MAP4K2: variants seen among roughly 807,000 people sequenced by gnomAD.
MAP4K2 encodes the protein B lymphocyte serine/threonine protein kinase.
MAP4K2 carries 85 observed loss-of-function variants against 125.3 expected under a neutral mutation model. The ratio of observed to expected loss-of-function variants is 0.68; its 90% CI spans 0.57 to 0.81. The LOEUF is 0.81. MAP4K2 is among the 40% of genes least tolerant of loss of function. The pLI, the probability that MAP4K2 is intolerant of heterozygous loss-of-function variation, is 0.00. For synonymous variants in MAP4K2, 479 were observed against 445.1 expected (o/e 1.08, Z -0.96); for missense variants, 923 against 1,056.4 (o/e 0.87, Z 1.75).
At chr11:64,791,610 CCT>C (rs1056079232) in intron 27 of MAP4K2, among the ~76,000 whole-genome samples, 1 of 152,182 alleles carries the variant, frequency 6.6e-6, no homozygotes, top group South Asian at 2.1e-4. Context: ...AGCTCAAGCC[CCT>C]CTCTCTCCTT....
At position 64,785,903 on chromosome 11, in the gene MAP4K2, CATA is replaced by C. The variant is rs1940189899; in HGVS notation, c.*3631_*3633del. ...CCATGCCCAAACTAAAATTTTATGA[CATA>C]ATATTTGATACATACAAAAGGATGT... On this transcript the variant is annotated 3_prime_UTR_variant, in exon 32 of 32. Coordinates refer to ENST00000294066, the MANE Select transcript of MAP4K2 (RefSeq NM_004579.5). 1 of 152,076 alleles carries C rather than the reference CATA, an allele frequency of 6.6e-6. No homozygotes were observed. Among genetic ancestry groups the C allele is most frequent in the African/African-American group, 2.4e-5 (1 of 41,396 alleles). 9.4% of individuals were successfully genotyped at this position (152,076 alleles called of 1,614,324 possible).
intron 27 of MAP4K2, among the ~76,000 whole-genome samples, chr11:64,791,218 G>A (rs891596671): frequency 2.0e-5 from 3 of 152,062 alleles, no homozygotes; most frequent in Non-Finnish European, 2.9e-5. Flanking sequence ...CCTTAACTAC[G>A]TGCGCCCTCC....
At chr11:64,790,080 G>C (rs1370470005) in intron 29 of MAP4K2, 108 bp downstream of exon 29, 1 of 1,528,228 alleles carries the variant, frequency 6.5e-7, no homozygotes, top group African/African-American at 1.4e-5. Flanking sequence ...TGGCTCAGGA[G>C]AGGGGCTAGG....
chr11:64,790,051 T>A, intron 29 of MAP4K2, 92 bp from the exon 30 acceptor site: 1 of 1,537,388 alleles, frequency 6.5e-7, no homozygotes, highest in Non-Finnish European at 8.9e-7. Context: ...GGGTCCTCAC[T>A]GACCTCAGGT....
At position 64,798,841 on chromosome 11, in the gene MAP4K2, G is replaced by C; in HGVS notation, c.1054-4C>G. ...GTAGTGTCCACTCTTCCTCCCACTG[G>C]GGGAAACCAAGGTAGAGACCGGGGA... On this transcript the variant is annotated splice_polypyrimidine_tract_variant and splice_region_variant and intron_variant, in intron 14 of 31. Coordinates refer to ENST00000294066, the MANE Select transcript of MAP4K2 (RefSeq NM_004579.5). 1 of 1,599,662 alleles carries C rather than the reference G, an allele frequency of 6.3e-7. No individual in the cohort carries two copies. Among genetic ancestry groups the C allele is most frequent in the East Asian group, 2.3e-5 (1 of 43,844 alleles).
At position 64,787,790 on chromosome 11, in the gene MAP4K2, G is replaced by C. The variant is rs537461805; in HGVS notation, c.*1747C>G. 1.1e-4 allele frequency: 16 copies of C among 152,236 alleles called. No individual in the cohort carries two copies. The highest frequency in any genetic ancestry group is 3.9e-4 in the African/African-American group (16 of 41,442). 9.4% of individuals were successfully genotyped at this position (152,236 alleles called of 1,614,324 possible). A position where few individuals can be genotyped will look rare whatever the true frequency, so the allele number is the denominator to read the frequency against. Reference sequence around the variant, plus strand: ...GTCTGCTGCTGGCCGGTTGGTGAACGGAAAGCCAGTCCTCCCCAGGGCGCC... The same window carrying C: ...GTCTGCTGCTGGCCGGTTGGTGAACCGAAAGCCAGTCCTCCCCAGGGCGCC... On this transcript the variant is annotated 3_prime_UTR_variant, in exon 32 of 32. Transcript: ENST00000294066.
rs752251893 is a variant in MAP4K2 at position 64,797,521 on chromosome 11, G to A, written c.1150C>T (p.Arg384Trp). 8 of 1,568,962 alleles carry A rather than the reference G, an allele frequency of 5.1e-6. No individual in the cohort carries two copies. Among genetic ancestry groups the A allele is most frequent in the South Asian group, 1.2e-5 (1 of 85,422 alleles). Residue 384 changes from arginine to tryptophan, a missense_variant, in exon 17 of 32, where the codon CGG (arginine) becomes TGG (tryptophan). Physicochemically the swap from Arg to Trp is moderately radical, Grantham distance 101 (BLOSUM62 -3). This residue lies in a region of MAP4K2 where 833 missense variants were observed against 911.4 expected (regional missense o/e 0.91). Transcript: ENST00000294066. Reference protein sequence around the residue: ...EALEERSLTIRSASEFQELDS... With the variant: ...EALEERSLTIWSASEFQELDS... ...GGCACCTGGAATTCTGAGGCTGACCGAATAGTCAGACTCCTGTGGGAGGGA... is the reference window on the plus strand; with the variant it reads ...GGCACCTGGAATTCTGAGGCTGACCAAATAGTCAGACTCCTGTGGGAGGGA...
Position 64,797,135 on chromosome 11 carries a change from C to T in MAP4K2, c.1334G>A (p.Trp445Ter). Residue 445 changes from tryptophan to a stop codon, truncating the protein, a stop_gained, in exon 19 of 32, where the codon TGG (tryptophan) becomes TAG (stop). Transcript: ENST00000294066. LOFTEE classifies it high-confidence loss of function. ...PNSSPLLPTA[W>*]ATMKQREDPE... is the part of the protein sequence containing the mutation. ...ATCCTCCCGCTGCTTCATGGTGGCCCAGGCCGTGGGCAGCAGTGGGGAGCT... is the reference window on the plus strand; with the variant it reads ...ATCCTCCCGCTGCTTCATGGTGGCCTAGGCCGTGGGCAGCAGTGGGGAGCT... 5 of 1,614,188 alleles carry T rather than the reference C, an allele frequency of 3.1e-6. No individual in the cohort carries two copies. The highest frequency in any genetic ancestry group is 4.2e-6 in the Non-Finnish European group (5 of 1,180,018).
At chr11:64,792,443 G>T (rs758776670) in intron 24 of MAP4K2, 21 bp from the exon 25 acceptor site, 2 of 1,570,480 alleles carry the variant, frequency 1.3e-6, no homozygotes. Flanking sequence ...GATAACCAGG[G>T]CCTGTGTCTG....
Position 64,792,229 on chromosome 11 carries a change from G to A in MAP4K2, c.1857C>T (p.Pro619=). The A allele has an allele frequency of 6.2e-7, 1 of 1,612,142 alleles. No homozygotes were observed. The highest frequency in any genetic ancestry group is 8.5e-7 in the Non-Finnish European group (1 of 1,179,664). ...TGATFLLAAL[P]TSLLLLQWYE... ...ACCACTGCAGCAGGAGCAGGCTGGT[G>A]GGCAGGGCGGCCAGCAGGAAGGTGG... Residue 619 remains proline (P), a synonymous_variant, in exon 26 of 32, where the codon CCC becomes CCT. Coordinates refer to ENST00000294066, the MANE Select transcript of MAP4K2 (RefSeq NM_004579.5).
At chr11:64,799,527 G>A (rs779419304) in intron 13 of MAP4K2, 48 bp from the exon 14 acceptor site, 4 of 1,611,988 alleles carry the variant, frequency 2.5e-6, no homozygotes, top group Non-Finnish European at 3.4e-6. Flanking sequence ...TCTCAGGATG[G>A]ACCTCTACTC....
chr11:64,786,907 A>G lies in MAP4K2; in HGVS notation c.*2630T>C, dbSNP rs537935346. 5.9e-5 allele frequency: 9 copies of G among 152,262 alleles called. No individual in the cohort carries two copies. In the South Asian group the frequency reaches 1.5e-3, roughly 25 times the overall value. The allele number at this position is 152,262 out of a possible 1,614,324, so 9.4% of individuals were successfully genotyped here. On this transcript the variant is annotated 3_prime_UTR_variant, in exon 32 of 32. Coordinates refer to ENST00000294066, the MANE Select transcript of MAP4K2 (RefSeq NM_004579.5). ...ATGGAATACCACTAGCTGTAAAAAA[A>G]AAAAAATTTTTTTTTAAAGGGAGAT...
Position 64,803,116 on chromosome 11 carries a change from G to A in MAP4K2, c.34C>T (p.Pro12Ser). Residue 12 changes from proline (P) to serine (S), a missense_variant, in exon 1 of 32, where the codon CCG becomes TCG. By Grantham distance (74) the Pro-to-Ser change is moderately conservative (BLOSUM62 -1). This residue lies in a region of MAP4K2 where 833 missense variants were observed against 911.4 expected (regional missense o/e 0.91). Coordinates refer to ENST00000294066, the MANE Select transcript of MAP4K2 (RefSeq NM_004579.5). ...TGCAGCAGCTCGAAGCGGTCCCGCG[G>A]GTCCTGCAGCGACACATCCCGCAGC... ...ALLRDVSLQD[P>S]RDRFELLQRV... 1.9e-6 allele frequency: 3 copies of A among 1,583,990 alleles called. No homozygotes were observed. Among genetic ancestry groups the A allele is most frequent in the Non-Finnish European group, 1.7e-6 (2 of 1,172,776 alleles).
At chr11:64,798,632 A>G (rs552999926) in intron 15 of MAP4K2, among the ~76,000 whole-genome samples, 162 bp downstream of exon 15, 2 of 150,940 alleles carry the variant, frequency 1.3e-5, no homozygotes, top group East Asian at 3.9e-4. Context: ...GTGGAGTTTC[A>G]CCATGTTGGC....
In MAP4K2 at chr11:64,789,165, A is replaced by T; in HGVS notation, c.*372T>A. On this transcript the variant is annotated 3_prime_UTR_variant, in exon 32 of 32. Coordinates refer to ENST00000294066, the MANE Select transcript of MAP4K2 (RefSeq NM_004579.5). ...AACAAACCAGCTTTAATACCAATAT[A>T]GTTCTCTCTTAAATACCGTGTTTCC... 1 of 298,092 alleles carries T rather than the reference A, an allele frequency of 3.4e-6. No homozygotes were observed. The highest frequency in any genetic ancestry group is 6.5e-6 in the Non-Finnish European group (1 of 154,366). The allele number at this position is 298,092 out of a possible 1,614,324, so 18.5% of individuals were successfully genotyped here.
At chr11:64,801,304 C>A in intron 7 of MAP4K2, 121 bp from the exon 8 acceptor site, 3 of 1,245,118 alleles carry the variant, frequency 2.4e-6, no homozygotes, top group Middle Eastern at 2.7e-4. Flanking sequence ...CGCTTGGTCA[C>A]AGCTGCCGCA....
chr11:64,798,828 C>T lies in MAP4K2; in HGVS notation c.1063G>A (p.Glu355Lys), dbSNP rs747478629. The change falls in exon 15 of 32, where the codon GAG (glutamate) becomes AAG (lysine). Residue 355 changes from glutamate to lysine, a missense_variant. This residue lies in a region of MAP4K2 where 833 missense variants were observed against 911.4 expected (regional missense o/e 0.91). Transcript: ENST00000294066. ...TCTTCCTTTCCCAGTAGTGTCCACT[C>T]TTCCTCCCACTGGGGGAAACCAAGG... The part of the protein sequence containing the change: ...TDPLNEPWEE[E>K]WTLLGKEELS... 19 of 1,604,960 alleles carry T rather than the reference C, an allele frequency of 1.2e-5. No individual in the cohort carries two copies. In the Admixed American group the frequency reaches 3.1e-4, roughly 26 times the overall value.
rs1415147880 is a variant in MAP4K2 at position 64,800,996 on chromosome 11, C to T, written c.566G>A (p.Gly189Asp). ...APEVAAVERK[G>D]GYNELCDVWA... ...GACGTCACATAGCTCATTGTAGCCA[C>T]CTTTGCGCTCCACAGCAGCCACCTC... is the stretch of plus-strand genomic sequence containing the variant. Residue 189 changes from glycine to aspartate, a missense_variant, in exon 9 of 32, where the codon GGT (glycine) becomes GAT (aspartate). Physicochemically the swap from Gly to Asp is moderately conservative, Grantham distance 94 (BLOSUM62 -1). Around this residue, in one of 2 missense-constraint regions of MAP4K2, gnomAD observed 833 missense variants for 911.4 expected, o/e 0.91. Transcript: ENST00000294066. 4.3e-6 allele frequency: 7 copies of T among 1,613,966 alleles called. No individual in the cohort carries two copies. Among genetic ancestry groups the T allele is most frequent in the Non-Finnish European group, 5.9e-6 (7 of 1,179,996 alleles).
intron 5 of MAP4K2, 28 bp downstream of exon 5, chr11:64,802,038 G>A: frequency 6.2e-7 from 1 of 1,606,596 alleles, no homozygotes. Flanking sequence ...GGAGACCAGA[G>A]GTGTGGGCAC....
Sources: allele counts gnomAD v4.1 joint callset (sites outside exome capture counted in the v4.1 genomes callset), GRCh38; gene constraint gnomAD v4.1.1; regional missense constraint gnomAD v4.1.1; transcripts MANE v1.5; gene names NCBI Gene and HGNC (gene_info 2026-07-23, HGNC 2026-07-21).